The following CUL4A variants were observed in gnomAD, a reference collection of about 807,000 sequenced individuals.
CUL4A encodes the protein cullin 4A.
CUL4A carries 16 observed loss-of-function variants against 95.5 expected under a neutral mutation model. The ratio of observed to expected loss-of-function variants is 0.17; its 90% confidence interval spans 0.11 to 0.25. The LOEUF (loss-of-function observed/expected upper bound fraction) is 0.25, where lower values mean the gene tolerates loss of function less well. CUL4A is among the 10% of genes least tolerant of loss of function. The pLI is 1.00. For synonymous variants in CUL4A, 380 were observed against 353.1 expected, an observed-to-expected ratio of 1.08 and a Z score of -0.85; for missense variants, 610 against 937.0, an observed-to-expected ratio of 0.65 and a Z score of 4.56.
At chr13:113,215,909 C>T (rs1336795137) in intron 2 of CUL4A, among the ~76,000 whole-genome samples, 1 of 135,550 alleles carries the variant, frequency 7.4e-6, no homozygotes, top group Non-Finnish European at 1.5e-5. Context: ...ATGGAGGTCT[C>T]GTCCATGTGG....
intron 5 of CUL4A, among the ~76,000 whole-genome samples, chr13:113,232,089 C>T (rs1430661703): frequency 4.5e-5 from 6 of 132,378 alleles, no homozygotes; most frequent in East Asian, 4.3e-4. Context: ...CGCCCACCAC[C>T]ATTACTGTCA....
rs367864142 is a variant in CUL4A, at chr13:113,229,010, C to A, written c.439-436C>A. The stretch of plus-strand genomic sequence containing the variant: ...GGGTGGGGTGGTGGGCGCCTGTAGT[C>A]CCAGCTACTCGGGAGGCTGAGGCAG... On this transcript the variant is annotated intron_variant, in intron 4 of 19. Transcript: ENST00000375440. Among the ~76,000 whole-genome samples, 85 of 152,008 alleles carry A rather than the reference C, an allele frequency of 5.6e-4. 2 individuals carry two copies. The East Asian group carries it at 0.012, about 21-fold the overall frequency.
At chr13:113,219,106 ACAT>A (rs2040804407) in intron 3 of CUL4A, 58 bp downstream of exon 3, 1 of 1,057,108 alleles carries the variant, frequency 9.5e-7, no homozygotes, top group Non-Finnish European at 1.4e-6. Flanking sequence ...TTAAAACTGA[ACAT>A]TATTATGATA....
intron 3 of CUL4A, among the ~76,000 whole-genome samples, chr13:113,225,077 T>C (rs771448873): frequency 2.7e-4 from 41 of 152,344 alleles, no homozygotes; most frequent in Non-Finnish European, 4.3e-4. Flanking sequence ...TAGGTTTTTT[T>C]CTATGGTGTA....
rs1197388632 is a variant in CUL4A, at chr13:113,260,211, A to AAAAAAAAAAAAAAAAAAAAAAAAAAAAC, written c.2032-388_2032-387insAAAAAAAAAAAAAAAAAAACAAAAAAAA. Among the ~76,000 whole-genome samples, 7 of 119,526 alleles carry AAAAAAAAAAAAAAAAAAAAAAAAAAAAC rather than the reference A, an allele frequency of 5.9e-5. 1 individual carries two copies. In the East Asian group the frequency reaches 2.0e-3, roughly 34 times the overall value. 78.4% of individuals were successfully genotyped at this position (119,526 alleles called of 152,430 possible). ...AGAGTGAGACTCCGTCTCAAAAAAA[A>AAAAAAAAAAAAAAAAAAAAAAAAAAAAC]AAAAAAAACCATTTCCCATCAAATT... On this transcript the variant is annotated intron_variant, in intron 18 of 19. Coordinates refer to ENST00000375440, the MANE Select transcript of CUL4A (RefSeq NM_001008895.4).
At chr13:113,245,332 C>CAAG in intron 14 of CUL4A, 95 bp downstream of exon 14, 1 of 1,106,588 alleles carries the variant, frequency 9.0e-7, no homozygotes, top group East Asian at 2.4e-5. Context: ...GAGGCAGAGG[C>CAAG]AAGAGACGTT....
chr13:113,233,817 G>A (rs566854479), intron 6 of CUL4A, 80 bp from the exon 7 acceptor site: 50 of 865,314 alleles, frequency 5.8e-5, no homozygotes, highest in African/African-American at 4.9e-4. Flanking sequence ...AGCCTGCCCC[G>A]TCAGAAACTG....
upstream of CUL4A, chr13:113,209,002 C>G: frequency 1.1e-6 from 1 of 890,908 alleles, no homozygotes; most frequent in Non-Finnish European, 1.4e-6. Context: ...ACCCTCCGCG[C>G]CTGGCTGGGC....
In CUL4A at chr13:113,219,055, T is replaced by C. The variant is rs74923172; in HGVS notation, c.368+7T>C. 1.3e-6 allele frequency: 2 copies of C among 1,558,410 alleles called. No individual in the cohort carries two copies. Among genetic ancestry groups the C allele is most frequent in the Non-Finnish European group, 1.7e-6 (2 of 1,145,156 alleles). On this transcript the variant is annotated splice_region_variant and intron_variant, in intron 3 of 19. Transcript: ENST00000375440. ...AGATCCTTCCGTTTAGAGAATATCC[T>C]TTTTTTGGTTCATAAAGTTTCTATT...
At chr13:113,233,430 A>G in intron 6 of CUL4A, 91 bp downstream of exon 6, 1 of 1,251,208 alleles carries the variant, frequency 8.0e-7, no homozygotes, top group South Asian at 1.4e-5. Context: ...AAACAATGAA[A>G]TCATAAAGGC....
intron 3 of CUL4A, among the ~76,000 whole-genome samples, chr13:113,221,033 G>A (rs1274468598): frequency 6.6e-6 from 1 of 152,250 alleles, no homozygotes; most frequent in Non-Finnish European, 1.5e-5. Context: ...ATGGTGGCAT[G>A]TGAAGCATCT....
chr13:113,239,907 A>G (rs1399045253), intron 10 of CUL4A, among the ~76,000 whole-genome samples: 2 of 152,224 alleles, frequency 1.3e-5, no homozygotes, highest in Non-Finnish European at 2.9e-5. Flanking sequence ...TGATCTCCTC[A>G]TGCCCTTTCC....
intron 15 of CUL4A, among the ~76,000 whole-genome samples, chr13:113,252,341 G>A (rs2042016102): frequency 6.6e-6 from 1 of 152,098 alleles, no homozygotes; most frequent in African/African-American, 2.4e-5. Flanking sequence ...TTCAAGACCA[G>A]CCTGGGCAGC....
rs139345331 is a variant in CUL4A at position 113,211,966 on chromosome 13, C to T, written c.264+1878C>T. 1.1e-4 allele frequency among the ~76,000 whole-genome samples: 17 copies of T among 152,292 alleles called. No homozygotes were observed. The East Asian group carries it at 3.1e-3, about 28-fold the overall frequency. On this transcript the variant is annotated intron_variant, in intron 2 of 19. Coordinates refer to ENST00000375440, the MANE Select transcript of CUL4A (RefSeq NM_001008895.4). ...GTGTATGGGAGCTCCAGTTCCACTC[C>T]GCCACCAGCGTGTGGTGTCCTCAGT... is the stretch of plus-strand genomic sequence containing the variant.
chr13:113,235,837 G>A (rs959761438), intron 8 of CUL4A, among the ~76,000 whole-genome samples: 3 of 152,248 alleles, frequency 2.0e-5, no homozygotes, highest in African/African-American at 7.2e-5. Flanking sequence ...CGGGCGTGGT[G>A]GCGGGAACCT....
At chr13:113,236,735 G>C in intron 8 of CUL4A, 88 bp from the exon 9 acceptor site, 1 of 853,816 alleles carries the variant, frequency 1.2e-6, no homozygotes, top group South Asian at 1.6e-5. Flanking sequence ...GACTGCATCT[G>C]TCATAGACAA....
chr13:113,250,005 C>A (rs1220577532), intron 15 of CUL4A, among the ~76,000 whole-genome samples: 2 of 152,186 alleles, frequency 1.3e-5, no homozygotes, highest in African/African-American at 4.8e-5. Context: ...CTTATCAGAT[C>A]TGTGATTTGC....
intron 18 of CUL4A, among the ~76,000 whole-genome samples, chr13:113,259,162 A>G (rs1050813349): frequency 1.1e-4 from 16 of 152,208 alleles, no homozygotes; most frequent in Admixed American, 1.0e-3. Context: ...ATCTACAAAT[A>G]ATGATCGTTT....
chr13:113,231,092 ACATAGTTTATAC>A (rs2041295052), intron 5 of CUL4A, among the ~76,000 whole-genome samples: 1 of 152,214 alleles, frequency 6.6e-6, no homozygotes, highest in African/African-American at 2.4e-5. Context: ...TAATTTATAA[ACATAGTTTATAC>A]CATAACTGTC....
Sources: allele counts gnomAD v4.1 joint callset (sites outside exome capture counted in the v4.1 genomes callset), GRCh38; gene constraint gnomAD v4.1.1; transcripts MANE v1.5; gene names NCBI Gene and HGNC (gene_info 2026-07-23, HGNC 2026-07-21).